The following PSMA1 variants were observed in gnomAD, a reference collection of about 807,000 sequenced individuals.
PSMA1 encodes proteasome subunit alpha type-1.
Under a neutral mutation model 38.4 loss-of-function variants are expected in PSMA1, and 3 were observed. The observed-to-expected ratio is 0.08, with a 90% CI of 0.04 to 0.20. PSMA1 has a LOEUF of 0.20. Ranked by LOEUF, PSMA1 falls within the 10% of genes least tolerant of loss-of-function variation. PSMA1 has a pLI of 1.00. For synonymous variants in PSMA1, 101 were observed against 107.1 expected, an observed-to-expected ratio of 0.94 and a Z score of 0.35; for missense variants, 227 against 325.3, an observed-to-expected ratio of 0.70 and a Z score of 2.32.
chr11:14,543,699 G>T (rs961611252), intron 2 of PSMA1, among the ~76,000 whole-genome samples: 2 of 152,110 alleles, frequency 1.3e-5, no homozygotes, highest in African/African-American at 4.8e-5. Context: ...CTCACTTAAA[G>T]TCCTTACCAG....
chr11:14,627,443 G>A (rs893400363), intron 1 of PSMA1, among the ~76,000 whole-genome samples: 1 of 152,080 alleles, frequency 6.6e-6, no homozygotes, highest in Non-Finnish European at 1.5e-5. Context: ...TATCATCTGG[G>A]TAAAAGTTAT....
At chr11:14,619,435 T>C (rs1276763891) in intron 1 of PSMA1, among the ~76,000 whole-genome samples, 1 of 151,518 alleles carries the variant, frequency 6.6e-6, no homozygotes, top group Non-Finnish European at 1.5e-5. Context: ...AGAGATCCTG[T>C]CTCAAAAAAA....
At chr11:14,535,259 GTATAA>G (rs1851691319) in intron 2 of PSMA1, among the ~76,000 whole-genome samples, 1 of 151,240 alleles carries the variant, frequency 6.6e-6, no homozygotes, top group Admixed American at 6.6e-5. Context: ...TATCTAAACT[GTATAA>G]TATAATTTTC....
intron 2 of PSMA1, among the ~76,000 whole-genome samples, chr11:14,529,116 T>G (rs1462869136): frequency 7.0e-6 from 1 of 141,974 alleles, no homozygotes; most frequent in Non-Finnish European, 1.5e-5. Flanking sequence ...ACAAAGACCC[T>G]GTCTCAAAAA....
chr11:14,629,088 T>C (rs1337366931), intron 1 of PSMA1, among the ~76,000 whole-genome samples: 1 of 152,128 alleles, frequency 6.6e-6, no homozygotes, highest in Non-Finnish European at 1.5e-5. Context: ...GATGAGTAGG[T>C]TGCGAAAATT....
At chr11:14,629,346 A>G (rs954138377) in intron 1 of PSMA1, among the ~76,000 whole-genome samples, 1 of 152,292 alleles carries the variant, frequency 6.6e-6, no homozygotes, top group East Asian at 1.9e-4. Flanking sequence ...ATTTTTATAT[A>G]AGGTGTAAGG....
At chr11:14,619,057 G>C (rs1212226578) in intron 1 of PSMA1, among the ~76,000 whole-genome samples, 1 of 152,072 alleles carries the variant, frequency 6.6e-6, no homozygotes. Flanking sequence ...ATTAAGCACT[G>C]TGCTAGAAAT....
chr11:14,605,142 G>T (rs970158114), intron 2 of PSMA1, among the ~76,000 whole-genome samples: 1 of 152,156 alleles, frequency 6.6e-6, no homozygotes, highest in African/African-American at 2.4e-5. Context: ...TTTCCACAGT[G>T]GCTGAACTAA....
At chr11:14,521,772 A>C (rs935665872), upstream of PSMA1, among the ~76,000 whole-genome samples, 10 of 151,454 alleles carry the variant, frequency 6.6e-5, no homozygotes, top group Admixed American at 2.6e-4. Flanking sequence ...TCTCAAAAAA[A>C]AAAAAACAAA....
intron 2 of PSMA1, among the ~76,000 whole-genome samples, chr11:14,582,572 T>C (rs975102976): frequency 3.9e-5 from 6 of 152,150 alleles, no homozygotes; most frequent in Non-Finnish European, 7.4e-5. Flanking sequence ...CGCTGGAGTA[T>C]AGTGGCGCCA....
At chr11:14,643,517 A>C (rs1853249593) in exon 1 of PSMA1, 1 of 152,164 alleles carries the variant, frequency 6.6e-6, no homozygotes, top group Admixed American at 6.5e-5. Context: ...CCGTCCGAAG[A>C]TGACCTCGTC....
intron 2 of PSMA1, among the ~76,000 whole-genome samples, chr11:14,591,474 A>T (rs1590002035): frequency 6.6e-6 from 1 of 152,206 alleles, no homozygotes; most frequent in African/African-American, 2.4e-5. Flanking sequence ...ACTGGCAGGC[A>T]GTTCCACCTG....
At chr11:14,539,740 T>TCAGGAGGCTGAGG (rs1219917870) in intron 2 of PSMA1, among the ~76,000 whole-genome samples, 1 of 151,952 alleles carries the variant, frequency 6.6e-6, no homozygotes, top group African/African-American at 2.4e-5. Flanking sequence ...TCCCAGCTAC[T>TCAGGAGGCTGAGG]CAGGAGGCTG....
chr11:14,559,814 T>C (rs566165825), intron 2 of PSMA1, among the ~76,000 whole-genome samples: 2 of 152,304 alleles, frequency 1.3e-5, no homozygotes, highest in East Asian at 3.9e-4. Context: ...CTGAGTTCCC[T>C]AGAAATAGAC....
At chr11:14,583,158 CTCT>C (rs1407269547) in intron 2 of PSMA1, among the ~76,000 whole-genome samples, 3 of 152,156 alleles carry the variant, frequency 2.0e-5, no homozygotes, top group African/African-American at 7.2e-5. Context: ...TCCTAATTTC[CTCT>C]TCTTCTTCTC....
chr11:14,630,176 C>T (rs1490330277), intron 1 of PSMA1, among the ~76,000 whole-genome samples: 2 of 152,200 alleles, frequency 1.3e-5, no homozygotes, highest in African/African-American at 2.4e-5. Flanking sequence ...TGCCTAATTG[C>T]CCTGGCCAGA....
chr11:14,576,418 A>G (rs1852216385), intron 2 of PSMA1, among the ~76,000 whole-genome samples: 1 of 152,214 alleles, frequency 6.6e-6, no homozygotes, highest in African/African-American at 2.4e-5. Context: ...TTTAGGTCTA[A>G]CATTTAAGTC....
chr11:14,547,950 AGAG>A lies in PSMA1; in HGVS notation c.22-28912_22-28910del, dbSNP rs575964329. The stretch of plus-strand genomic sequence containing the variant: ...GGAGATGGAGCAGAGGTCCCAGAGT[AGAG>A]GAGGAGATGGAGATGAGCATCAGCT... On this transcript the variant is annotated intron_variant, in intron 2 of 10. Coordinates refer to the PSMA1 transcript ENST00000418988. Among the ~76,000 whole-genome samples, 276 of 152,206 alleles carry A rather than the reference AGAG, an allele frequency of 1.8e-3. 2 individuals carry two copies. The South Asian group carries it at 0.023, about 13-fold the overall frequency.
At chr11:14,556,370 A>T (rs887577839) in intron 2 of PSMA1, among the ~76,000 whole-genome samples, 2 of 152,084 alleles carry the variant, frequency 1.3e-5, no homozygotes, top group African/African-American at 4.8e-5. Context: ...GTTGCTGTTG[A>T]TATGTTTTAC....
Sources: gnomAD v4.1 joint callset for allele counts (sites outside exome capture counted in the v4.1 genomes callset) on GRCh38, gnomAD v4.1.1 for gene constraint, MANE v1.5 for transcripts, NCBI Gene and HGNC (gene_info 2026-07-23, HGNC 2026-07-21) for gene names.